Variants in DMD observed in about 807,000 individuals in gnomAD.
DMD encodes the protein mutant dystrophin.
A neutral mutation model predicts 330.1 loss-of-function variants in DMD; 63 were observed. The observed-to-expected ratio is 0.19, with a 90% CI of 0.16 to 0.24. DMD has a LOEUF of 0.24. Among genes scored for constraint, DMD ranks in the 10% least tolerant of loss-of-function variants. The pLI, the probability that DMD is intolerant of heterozygous loss-of-function variation, is 1.00. For missense variants in DMD, 3,344 were observed against 2,684.1 expected (o/e 1.25, Z -5.43); for synonymous variants, 1,223 against 959.8 (o/e 1.27, Z -5.07).
intron 43 of DMD, among the ~76,000 whole-genome samples, chrX:32,255,388 G>A (rs1350883265): frequency 1.8e-5 from 2 of 109,650 alleles, no homozygotes; most frequent in Admixed American, 9.8e-5. Context: ...AAGTTTTATT[G>A]GAATATAATC....
chrX:32,780,565 T>TTAAA (rs199981667), intron 7 of DMD, among the ~76,000 whole-genome samples: 9,272 of 111,586 alleles, frequency 0.083, 965 homozygotes, highest in African/African-American at 0.29. Flanking sequence ...TTTCTTCAGC[T>TTAAA]TAGACAACAA....
At chrX:32,624,891 C>T (rs961396251) in intron 11 of DMD, among the ~76,000 whole-genome samples, 4 of 111,960 alleles carry the variant, frequency 3.6e-5, no homozygotes, top group Non-Finnish European at 7.5e-5. Context: ...TGTAGGAAGG[C>T]GGCTGGGTGC....
At chrX:33,053,840 G>A (rs1452904077) in intron 1 of DMD, among the ~76,000 whole-genome samples, 2 of 109,029 alleles carry the variant, frequency 1.8e-5, no homozygotes, top group Admixed American at 2.0e-4. Flanking sequence ...GTACAATGTC[G>A]TTCTTGAGGG....
At chrX:31,866,396 G>A (rs188798477) in intron 48 of DMD, among the ~76,000 whole-genome samples, 102 of 111,708 alleles carry the variant, frequency 9.1e-4, no homozygotes, top group Non-Finnish European at 1.8e-3. Flanking sequence ...GATGGGATTT[G>A]GAGATACCCA....
intron 52 of DMD, among the ~76,000 whole-genome samples, chrX:31,709,722 AG>A: frequency 9.0e-6 from 1 of 110,554 alleles, no homozygotes; most frequent in East Asian, 2.8e-4. Flanking sequence ...CTATATTTTA[AG>A]AGTGCACATA....
chrX:31,256,897 T>C (rs1250573231), intron 63 of DMD, among the ~76,000 whole-genome samples: 1 of 110,332 alleles, frequency 9.1e-6, no homozygotes, highest in Admixed American at 9.7e-5. Flanking sequence ...TAACTGTAAA[T>C]AATATAAATT....
intron 9 of DMD, among the ~76,000 whole-genome samples, chrX:32,693,541 G>A (rs905615300): frequency 1.1e-4 from 12 of 111,658 alleles, no homozygotes; most frequent in African/African-American, 3.6e-4. Flanking sequence ...CTGGCTTCAA[G>A]CAATCCTCAT....
chrX:32,483,146 CATATATAT>C (rs201134649), intron 21 of DMD, among the ~76,000 whole-genome samples: 25 of 39,267 alleles, frequency 6.4e-4, no homozygotes, highest in Non-Finnish European at 3.8e-4. Flanking sequence ...TTTTTCATTC[CATATATAT>C]ATATATATAT....
chrX:31,945,054 A>T (rs755198857), intron 45 of DMD, among the ~76,000 whole-genome samples: 3 of 111,798 alleles, frequency 2.7e-5, no homozygotes, highest in Non-Finnish European at 5.6e-5. Flanking sequence ...GCCAATGACT[A>T]TGAGGGTCAA....
At chrX:32,891,737 C>T (rs2085222833) in intron 2 of DMD, among the ~76,000 whole-genome samples, 1 of 111,873 alleles carries the variant, frequency 8.9e-6, no homozygotes, top group Non-Finnish European at 1.9e-5. Context: ...TAAATCACTA[C>T]ATTATGTACC....
intron 2 of DMD, among the ~76,000 whole-genome samples, chrX:32,864,748 T>C (rs770689851): frequency 8.9e-6 from 1 of 112,261 alleles, no homozygotes; most frequent in Non-Finnish European, 1.9e-5. Context: ...ATTGTTCGAA[T>C]GTATAATTCA....
At chrX:32,659,771 A>G (rs2060825781) in intron 9 of DMD, among the ~76,000 whole-genome samples, 1 of 111,013 alleles carries the variant, frequency 9.0e-6, no homozygotes, top group South Asian at 3.8e-4. Flanking sequence ...AAGAAATGAC[A>G]CAAACTCCAC....
At chrX:32,141,172 T>C (rs1447198895) in intron 44 of DMD, among the ~76,000 whole-genome samples, 1 of 109,205 alleles carries the variant, frequency 9.2e-6, no homozygotes, top group South Asian at 4.0e-4. Context: ...ACACCTATAA[T>C]CCCAACACTT....
rs753560344 is a variant in DMD at position 33,182,159 on chromosome X, G to T, written c.31+29123C>A. Among the ~76,000 whole-genome samples, 4 of 112,306 alleles carry T rather than the reference G, an allele frequency of 3.6e-5. No individual in the cohort carries two copies. The Admixed American group carries it at 3.8e-4, about 11-fold the overall frequency. ...AAAACCCTAAACCGAATCGATAACA[G>T]CACTCATGTCTTGGATAGATTTACA... On this transcript the variant is annotated intron_variant, in intron 1 of 78. Coordinates refer to ENST00000357033, the MANE Select transcript of DMD (RefSeq NM_004006.3).
intron 7 of DMD, among the ~76,000 whole-genome samples, chrX:32,804,332 C>G (rs771117703): frequency 8.9e-6 from 1 of 112,210 alleles, no homozygotes; most frequent in East Asian, 2.8e-4. Context: ...GGCGGTTTTC[C>G]CTCACAGTGT....
At chrX:31,915,591 T>C (rs1175699501) in intron 47 of DMD, among the ~76,000 whole-genome samples, 2 of 111,950 alleles carry the variant, frequency 1.8e-5, no homozygotes, top group Non-Finnish European at 3.8e-5. Flanking sequence ...TCTATCCTCA[T>C]TCCTTAACAT....
At position 31,564,783 on chromosome X, in the gene DMD, T is replaced by C. The variant is rs779365815; in HGVS notation, c.8218-57330A>G. ...GTATTTGCATATAGACATAGACCTC[T>C]ATCTTTCCCATTTACTCAGACAACA... On this transcript the variant is annotated intron_variant, in intron 55 of 78. Coordinates refer to ENST00000357033, the MANE Select transcript of DMD (RefSeq NM_004006.3). Among the ~76,000 whole-genome samples the C allele has an allele frequency of 6.2e-5, 7 of 112,200 alleles. No homozygotes were observed. In the South Asian group the frequency reaches 2.6e-3, roughly 42 times the overall value.
chrX:31,402,766 T>G (rs1198752116), intron 60 of DMD, among the ~76,000 whole-genome samples: 1 of 112,087 alleles, frequency 8.9e-6, no homozygotes, highest in Non-Finnish European at 1.9e-5. Flanking sequence ...AGTAAACTAG[T>G]GTCCATTATC....
chrX:32,468,817 C>A (rs2040324691), intron 22 of DMD, 107 bp from the exon 23 acceptor site: 3 of 637,336 alleles, frequency 4.7e-6, no homozygotes, highest in Non-Finnish European at 7.4e-6. Context: ...AACATGTAAA[C>A]AAAGTAGATG....
Sources: gnomAD v4.1 joint callset for allele counts (sites outside exome capture counted in the v4.1 genomes callset) on GRCh38, gnomAD v4.1.1 for gene constraint, MANE v1.5 for transcripts, NCBI Gene and HGNC (gene_info 2026-07-23, HGNC 2026-07-21) for gene names.